The following CACNA2D1 variants were observed in gnomAD, a reference collection of about 807,000 sequenced individuals.
CACNA2D1 encodes voltage-dependent calcium channel subunit alpha-2/delta-1.
Under a neutral mutation model 171.5 loss-of-function variants are expected in CACNA2D1, and 53 were observed. That is an observed-to-expected ratio of 0.31 (90% CI 0.25 to 0.39). The LOEUF is 0.39. Among genes scored for constraint, CACNA2D1 ranks in the 10% least tolerant of loss-of-function variants. CACNA2D1 has a pLI of 1.00. For missense variants in CACNA2D1, 903 were observed against 1,299.8 expected (o/e 0.69, Z 4.69); for synonymous variants, 442 against 443.1 (o/e 1.00, Z 0.03).
intron 1 of CACNA2D1, among the ~76,000 whole-genome samples, chr7:82,395,211 C>CA (rs1215369945): frequency 7.3e-5 from 11 of 150,854 alleles, no homozygotes; most frequent in Admixed American, 7.3e-4. Context: ...AAAAAAAACA[C>CA]AAAAAAACTC....
At chr7:82,260,812 A>G (rs545157612) in intron 3 of CACNA2D1, among the ~76,000 whole-genome samples, 1 of 152,230 alleles carries the variant, frequency 6.6e-6, no homozygotes, top group Non-Finnish European at 1.5e-5. Context: ...TCCAAAAGGC[A>G]TTATAATGAA....
chr7:82,061,464 A>G (rs1230414613), intron 9 of CACNA2D1, among the ~76,000 whole-genome samples: 1 of 152,146 alleles, frequency 6.6e-6, no homozygotes, highest in Non-Finnish European at 1.5e-5. Flanking sequence ...AGTTCTAGAA[A>G]CACATCCTGA....
At chr7:82,009,032 T>C (rs1799443140) in intron 15 of CACNA2D1, 1 of 152,182 alleles carries the variant, frequency 6.6e-6, no homozygotes, top group Admixed American at 6.6e-5. Context: ...CATCTTCAGT[T>C]GTAGTTCCCA....
chr7:82,070,144 T>C (rs1027263917), intron 7 of CACNA2D1, among the ~76,000 whole-genome samples: 2 of 152,154 alleles, frequency 1.3e-5, no homozygotes, highest in Non-Finnish European at 2.9e-5. Flanking sequence ...CCAGAATGGA[T>C]CCTCCACAGT....
At chr7:82,113,594 C>T (rs1042374654) in intron 6 of CACNA2D1, among the ~76,000 whole-genome samples, 1 of 152,036 alleles carries the variant, frequency 6.6e-6, no homozygotes, top group Non-Finnish European at 1.5e-5. Context: ...AATTAGAACA[C>T]GAGGTTTCTT....
intron 12 of CACNA2D1, among the ~76,000 whole-genome samples, chr7:82,030,745 AG>A (rs1348188298): frequency 6.6e-6 from 1 of 151,920 alleles, no homozygotes; most frequent in East Asian, 1.9e-4. Context: ...ATCACAAAAT[AG>A]TATACTTAAA....
At chr7:82,116,606 T>G (rs112968250) in intron 6 of CACNA2D1, among the ~76,000 whole-genome samples, 291 of 152,294 alleles carry the variant, frequency 1.9e-3, no homozygotes, top group Admixed American at 3.9e-3. Context: ...AGAGAGAGAC[T>G]GACAGACATG....
chr7:81,975,878 G>C, intron 24 of CACNA2D1, among the ~76,000 whole-genome samples: 1 of 151,940 alleles, frequency 6.6e-6, no homozygotes, highest in East Asian at 1.9e-4. Flanking sequence ...AATACTCTTA[G>C]TTGTTTTCTT....
At chr7:82,286,186 T>G (rs1357188438) in intron 3 of CACNA2D1, among the ~76,000 whole-genome samples, 1 of 152,098 alleles carries the variant, frequency 6.6e-6, no homozygotes, top group Non-Finnish European at 1.5e-5. Flanking sequence ...TCTAGGGGCT[T>G]TAATCACCTA....
At chr7:82,100,702 T>G (rs1276561985) in intron 6 of CACNA2D1, among the ~76,000 whole-genome samples, 3 of 152,216 alleles carry the variant, frequency 2.0e-5, no homozygotes, top group Non-Finnish European at 4.4e-5. Flanking sequence ...CATGTGTATT[T>G]ATGCCAAGTA....
intron 3 of CACNA2D1, among the ~76,000 whole-genome samples, chr7:82,171,958 T>G (rs1404171607): frequency 6.6e-6 from 1 of 151,796 alleles, no homozygotes; most frequent in Non-Finnish European, 1.5e-5. Flanking sequence ...CCAGTTTTTA[T>G]ATTAATGTAT....
chr7:82,433,402 T>C (rs1829873946), intron 1 of CACNA2D1, among the ~76,000 whole-genome samples: 1 of 152,186 alleles, frequency 6.6e-6, no homozygotes, highest in African/African-American at 2.4e-5. Flanking sequence ...ATTACTAATG[T>C]GTATGTATTA....
rs764990586 is a variant in CACNA2D1 at position 82,146,983 on chromosome 7, C to CAAAAAAA, written c.355-10314_355-10308dup. 1.3e-3 allele frequency among the ~76,000 whole-genome samples: 33 copies of CAAAAAAA among 25,506 alleles called. 1 individual carries two copies. The highest frequency in any genetic ancestry group is 1.7e-3 in the Admixed American group (2 of 1,190). 16.7% of individuals were successfully genotyped at this position (25,506 alleles called of 152,430 possible). On this transcript the variant is annotated intron_variant, in intron 4 of 38. Coordinates refer to ENST00000356860, the MANE Select transcript of CACNA2D1 (RefSeq NM_000722.4). ...CTGGGTGATAGCAAGACTCCCATCT[C>CAAAAAAA]AAAAAAAAAAAAAAAAAAAAAAAAA...
chr7:82,437,501 T>C (rs761399070), intron 1 of CACNA2D1, among the ~76,000 whole-genome samples: 1 of 152,080 alleles, frequency 6.6e-6, no homozygotes, highest in Non-Finnish European at 1.5e-5. Flanking sequence ...ACAGAGCATA[T>C]GGTTAAAAAA....
At chr7:82,112,848 G>T (rs1584792578) in intron 6 of CACNA2D1, among the ~76,000 whole-genome samples, 1 of 152,124 alleles carries the variant, frequency 6.6e-6, no homozygotes, top group East Asian at 1.9e-4. Context: ...TGTCATCTAA[G>T]ATACAGCGGC....
At chr7:82,359,227 TTATGGTTTATC>T (rs1820807714) in intron 1 of CACNA2D1, among the ~76,000 whole-genome samples, 1 of 152,176 alleles carries the variant, frequency 6.6e-6, no homozygotes, top group African/African-American at 2.4e-5. Flanking sequence ...ATCTTTCCCT[TTATGGTTTATC>T]TGTGATTTTT....
chr7:82,125,522 T>C (rs887011238), intron 5 of CACNA2D1, among the ~76,000 whole-genome samples: 3 of 152,180 alleles, frequency 2.0e-5, no homozygotes, highest in Non-Finnish European at 4.4e-5. Context: ...CATAGATAAT[T>C]GTTACATTGC....
At chr7:81,986,866 C>T (rs1023686022) in intron 21 of CACNA2D1, among the ~76,000 whole-genome samples, 3 of 152,132 alleles carry the variant, frequency 2.0e-5, no homozygotes, top group Non-Finnish European at 4.4e-5. Context: ...ACAAAATGTA[C>T]AGCAGAATTA....
chr7:82,307,886 T>C (rs958241877), intron 3 of CACNA2D1, among the ~76,000 whole-genome samples: 2 of 152,240 alleles, frequency 1.3e-5, no homozygotes. Flanking sequence ...AAAAACCTGA[T>C]GGTGAAAGAT....
Sources: gnomAD v4.1 joint callset for allele counts (sites outside exome capture counted in the v4.1 genomes callset) on GRCh38, gnomAD v4.1.1 for gene constraint, MANE v1.5 for transcripts, NCBI Gene and HGNC (gene_info 2026-07-23, HGNC 2026-07-21) for gene names.